The following DCBLD2 variants were observed in gnomAD, a reference collection of about 807,000 sequenced individuals.
DCBLD2 encodes the protein discoidin, CUB and LCCL domain containing 2, also known as discoidin, CUB and LCCL domain-containing protein 2.
DCBLD2 carries 54 observed loss-of-function variants against 86.8 expected under a neutral mutation model. That is an observed-to-expected ratio of 0.62 (90% CI 0.50 to 0.78). The LOEUF is 0.78. DCBLD2 is among the 30% of genes least tolerant of loss of function. DCBLD2 has a pLI of 0.00. For synonymous variants in DCBLD2, 354 were observed against 341.3 expected (o/e 1.04, Z -0.41); for missense variants, 908 against 954.2 (o/e 0.95, Z 0.64).
chr3:98,839,156 T>C (rs12497003), intron 3 of DCBLD2, among the ~76,000 whole-genome samples: 25 of 86,162 alleles, frequency 2.9e-4, no homozygotes, highest in Admixed American at 1.8e-3. Context: ...TCTTTCTTTC[T>C]TTCTTTCTTT....
chr3:98,831,014 G>T (rs552566072), intron 3 of DCBLD2, among the ~76,000 whole-genome samples: 1 of 151,444 alleles, frequency 6.6e-6, no homozygotes, highest in Admixed American at 6.6e-5. Flanking sequence ...GAATGGGATT[G>T]TGTTCTTGAT....
In DCBLD2 at chr3:98,797,473, AAAT is replaced by A. The variant is rs945072172; in HGVS notation, c.*1896_*1898del. 1.3e-5 allele frequency: 2 copies of A among 152,608 alleles called. No homozygotes were observed. Among genetic ancestry groups the A allele is most frequent in the African/African-American group, 4.8e-5 (2 of 41,464 alleles). 9.5% of individuals were successfully genotyped at this position (152,608 alleles called of 1,614,324 possible). The stretch of plus-strand genomic sequence containing the variant: ...CTCTGTGTACTAAGGATGAATTAAA[AAAT>A]CAACTGGTTTGCTCTCTTCCCACCT... On this transcript the variant is annotated 3_prime_UTR_variant, in exon 16 of 16. Coordinates refer to ENST00000326840, the MANE Select transcript of DCBLD2 (RefSeq NM_080927.4).
chr3:98,872,336 T>G (rs1170522438), intron 2 of DCBLD2, among the ~76,000 whole-genome samples: 1 of 152,036 alleles, frequency 6.6e-6, no homozygotes, highest in Non-Finnish European at 1.5e-5. Context: ...ACCATGACAG[T>G]GGGTTGTTAT....
intron 13 of DCBLD2, among the ~76,000 whole-genome samples, chr3:98,802,328 G>T (rs557160836): frequency 5.3e-5 from 8 of 152,230 alleles, no homozygotes; most frequent in Admixed American, 4.6e-4. Flanking sequence ...ATTTTTTCAT[G>T]TGTTTGTTGG....
chr3:98,848,541 G>C (rs562122536), intron 3 of DCBLD2, among the ~76,000 whole-genome samples: 1 of 152,274 alleles, frequency 6.6e-6, no homozygotes, highest in Admixed American at 6.5e-5. Context: ...TTGAGGAATT[G>C]CCACACTGTC....
In DCBLD2 at chr3:98,808,106, C is replaced by T. The variant is rs35912538; in HGVS notation, c.1645G>A (p.Val549Met). ...CTGTTTCTCCAGTGCCAAGCACACA[C>T]TAATATGAGAATGAGAGTAGTGAGG... ...MVLTTLILIL[V>M]CAWHWRNRKK... The change falls in exon 13 of 16, where the codon GTG becomes ATG. Residue 549 changes from valine (V) to methionine (M), a missense_variant. Coordinates refer to ENST00000326840, the MANE Select transcript of DCBLD2 (RefSeq NM_080927.4). 6.2e-7 allele frequency: 1 copy of T among 1,605,446 alleles called. No individual in the cohort carries two copies. Among genetic ancestry groups the T allele is most frequent in the Non-Finnish European group, 8.5e-7 (1 of 1,176,154 alleles).
chr3:98,897,947 C>T (rs1943778961), intron 1 of DCBLD2, among the ~76,000 whole-genome samples: 1 of 152,076 alleles, frequency 6.6e-6, no homozygotes, highest in Non-Finnish European at 1.5e-5. Context: ...AAACCATCAA[C>T]TTCCAATAAA....
At chr3:98,869,652 G>A (rs927174970) in intron 2 of DCBLD2, among the ~76,000 whole-genome samples, 2 of 152,174 alleles carry the variant, frequency 1.3e-5, no homozygotes, top group African/African-American at 4.8e-5. Flanking sequence ...GTTCTTTGAG[G>A]CTGAAGCAAA....
At chr3:98,900,887 G>T in intron 1 of DCBLD2, 1 of 653,184 alleles carries the variant, frequency 1.5e-6, no homozygotes, top group Non-Finnish European at 2.5e-6. Flanking sequence ...AGGGTCTCAC[G>T]TCCCCCTTTC....
In DCBLD2 at chr3:98,819,360, G is replaced by C; in HGVS notation, c.929C>G (p.Ala310Gly). ...GTCAGTCCACTCCAGCACAGATGAT[G>C]CTGTTATTTGAGGATCCGCGATCAC... The part of the protein sequence containing the change: ...SGVIADPQIT[A>G]SSVLEWTDHT... The change falls in exon 8 of 16, where the codon GCA becomes GGA. Residue 310 changes from alanine to glycine, a missense_variant. Coordinates refer to ENST00000326840, the MANE Select transcript of DCBLD2 (RefSeq NM_080927.4). 1 of 1,613,760 alleles carries C rather than the reference G, an allele frequency of 6.2e-7. No individual in the cohort carries two copies. Among genetic ancestry groups the C allele is most frequent in the African/African-American group, 1.3e-5 (1 of 75,008 alleles).
At chr3:98,881,097 CA>C (rs1200309433) in intron 2 of DCBLD2, among the ~76,000 whole-genome samples, 7 of 149,228 alleles carry the variant, frequency 4.7e-5, no homozygotes, top group South Asian at 4.2e-4. Context: ...TACTAAAAAT[CA>C]AAAAAAAATT....
intron 3 of DCBLD2, among the ~76,000 whole-genome samples, chr3:98,834,834 T>C (rs1284519715): frequency 6.6e-6 from 1 of 152,286 alleles, no homozygotes; most frequent in Non-Finnish European, 1.5e-5. Context: ...CCCCTCAGTC[T>C]GAACTGCTTT....
chr3:98,830,204 G>C (rs1942295633), intron 3 of DCBLD2, among the ~76,000 whole-genome samples: 1 of 152,146 alleles, frequency 6.6e-6, no homozygotes, highest in Admixed American at 6.5e-5. Flanking sequence ...TTACTCTGTT[G>C]ATAGTTTCTT....
At chr3:98,867,268 A>C (rs1224366561) in intron 2 of DCBLD2, among the ~76,000 whole-genome samples, 3 of 152,142 alleles carry the variant, frequency 2.0e-5, no homozygotes, top group African/African-American at 7.2e-5. Context: ...CTTGATGGGG[A>C]TGGCATTGAA....
chr3:98,820,134 GTTA>G (rs768497118), intron 7 of DCBLD2, 111 bp downstream of exon 7: 17 of 558,928 alleles, frequency 3.0e-5, no homozygotes, highest in African/African-American at 3.9e-5. Context: ...ACCTCATAGT[GTTA>G]TTAAGACAAC....
rs1341839883 is a variant in DCBLD2, at chr3:98,798,614, G to C, written c.*758C>G. On this transcript the variant is annotated 3_prime_UTR_variant, in exon 16 of 16. Transcript: ENST00000326840. ...GGAGCATACTTAAAGGACATGAAGG[G>C]ATCTGAATTCATGAGACTAAGGCAA... 1 of 152,110 alleles carries C rather than the reference G, an allele frequency of 6.6e-6. No individual in the cohort carries two copies. Among genetic ancestry groups the C allele is most frequent in the Admixed American group, 6.5e-5 (1 of 15,270 alleles). The allele number at this position is 152,110 out of a possible 1,614,324, so 9.4% of individuals were successfully genotyped here. A position where few individuals can be genotyped will look rare whatever the true frequency, so the allele number is the denominator to read the frequency against.
chr3:98,807,854 A>G (rs1289503366), intron 13 of DCBLD2: 4 of 301,918 alleles, frequency 1.3e-5, no homozygotes, highest in Non-Finnish European at 2.4e-5. Context: ...ATTAATGTAC[A>G]TATCCCAGTG....
chr3:98,838,746 G>C (rs1471617150), intron 3 of DCBLD2, among the ~76,000 whole-genome samples: 2 of 152,134 alleles, frequency 1.3e-5, no homozygotes, highest in African/African-American at 4.8e-5. Flanking sequence ...CTGCACTCCA[G>C]CCTGGGCACC....
intron 2 of DCBLD2, among the ~76,000 whole-genome samples, chr3:98,861,677 A>G (rs1943046981): frequency 6.6e-6 from 1 of 152,224 alleles, no homozygotes; most frequent in Non-Finnish European, 1.5e-5. Context: ...TTTGAAACCA[A>G]CGAGAACAAA....
Sources: gnomAD v4.1 joint callset for allele counts (sites outside exome capture counted in the v4.1 genomes callset) on GRCh38, gnomAD v4.1.1 for gene constraint, MANE v1.5 for transcripts, NCBI Gene and HGNC (gene_info 2026-07-23, HGNC 2026-07-21) for gene names.